The following TAS2R1 variants were observed in gnomAD, a reference collection of about 807,000 sequenced individuals.
The protein encoded by TAS2R1 is taste 2 receptor member 1, also known as taste receptor type 2 member 1.
For synonymous variants in TAS2R1, 141 were observed against 134.2 expected (o/e 1.05, Z -0.35); for missense variants, 370 against 353.4 (o/e 1.05, Z -0.38).
the TAS2R1 span, among the ~76,000 whole-genome samples, chr5:9,801,656 G>A: frequency 1.6e-4 from 24 of 152,274 alleles, no homozygotes; most frequent in Non-Finnish European, 2.2e-4. Context: ...GTCACTGGCC[G>A]CCTGGAAATA....
At chr5:9,770,911 A>G in the TAS2R1 span, among the ~76,000 whole-genome samples, 3 of 152,026 alleles carry the variant, frequency 2.0e-5, no homozygotes, top group Non-Finnish European at 4.4e-5. Context: ...GATTGCTCTA[A>G]TTAGGACTTC....
chr5:9,638,496 C>T (rs1374931965), intron 2 of TAS2R1, among the ~76,000 whole-genome samples: 2 of 152,214 alleles, frequency 1.3e-5, no homozygotes, highest in African/African-American at 4.8e-5. Context: ...GTTGTCTTCT[C>T]CTTCCTGGGG....
chr5:9,882,620 T>C, the TAS2R1 span, among the ~76,000 whole-genome samples: 3 of 152,140 alleles, frequency 2.0e-5, no homozygotes, highest in East Asian at 1.9e-4. Flanking sequence ...AGCAAAACTC[T>C]TGTCTCAAAA....
intron 1 of TAS2R1, among the ~76,000 whole-genome samples, chr5:9,692,911 T>G (rs1741276480): frequency 6.6e-6 from 1 of 152,130 alleles, no homozygotes; most frequent in African/African-American, 2.4e-5. Flanking sequence ...GATGACAATA[T>G]CTGGGGCACA....
intron 1 of TAS2R1, among the ~76,000 whole-genome samples, chr5:9,673,157 A>G (rs1740804040): frequency 1.3e-5 from 2 of 152,166 alleles, no homozygotes; most frequent in South Asian, 4.1e-4. Context: ...GGATGGTGGG[A>G]GGAGGGAGAG....
chr5:9,858,261 A>C, the TAS2R1 span, among the ~76,000 whole-genome samples: 12 of 152,136 alleles, frequency 7.9e-5, no homozygotes, highest in Non-Finnish European at 2.9e-5. Flanking sequence ...CTATAGGTTC[A>C]GTCCAGAGGG....
the TAS2R1 span, among the ~76,000 whole-genome samples, chr5:9,746,945 A>C: frequency 1.3e-5 from 2 of 152,188 alleles, no homozygotes; most frequent in Non-Finnish European, 2.9e-5. Flanking sequence ...AATAAAATTT[A>C]AAAAGAAAAC....
chr5:9,825,608 G>A, the TAS2R1 span, among the ~76,000 whole-genome samples: 32 of 152,178 alleles, frequency 2.1e-4, no homozygotes, highest in Non-Finnish European at 3.5e-4. Context: ...TCCTGGGGAG[G>A]CATGATAACT....
At chr5:9,829,026 G>A in the TAS2R1 span, among the ~76,000 whole-genome samples, 2 of 152,214 alleles carry the variant, frequency 1.3e-5, no homozygotes. Context: ...TATGAATACA[G>A]AGGAAATGGG....
chr5:9,653,864 T>C (rs1405688898), intron 2 of TAS2R1, among the ~76,000 whole-genome samples: 1 of 152,178 alleles, frequency 6.6e-6, no homozygotes, highest in Non-Finnish European at 1.5e-5. Context: ...ACAACCACTC[T>C]CTCCTAAAAC....
the TAS2R1 span, among the ~76,000 whole-genome samples, chr5:9,804,270 A>G: frequency 6.6e-6 from 1 of 152,170 alleles, no homozygotes; most frequent in African/African-American, 2.4e-5. Flanking sequence ...CTAAGAAATG[A>G]CATTGATGGC....
At chr5:9,778,309 A>G in the TAS2R1 span, among the ~76,000 whole-genome samples, 6 of 152,352 alleles carry the variant, frequency 3.9e-5, no homozygotes, top group East Asian at 1.2e-3. Context: ...GCTGTCATTC[A>G]GGCTTTGTTG....
chr5:9,893,208 CT>C, the TAS2R1 span, among the ~76,000 whole-genome samples: 314 of 138,196 alleles, frequency 2.3e-3, no homozygotes, highest in South Asian at 7.0e-3. Context: ...GTTGCCCCAG[CT>C]TTTTTTTTTT....
chr5:9,724,008 G>C, the TAS2R1 span, among the ~76,000 whole-genome samples: 3 of 152,198 alleles, frequency 2.0e-5, 1 homozygote, highest in South Asian at 6.2e-4. Flanking sequence ...CTCCTGTTGG[G>C]ATGTGGGGAT....
At chr5:9,868,981 C>T in the TAS2R1 span, among the ~76,000 whole-genome samples, 2 of 152,334 alleles carry the variant, frequency 1.3e-5, no homozygotes, top group East Asian at 1.9e-4. Flanking sequence ...TCACTATCTG[C>T]ATTTTGGTCA....
chr5:9,844,942 T>A, the TAS2R1 span, among the ~76,000 whole-genome samples: 1 of 152,130 alleles, frequency 6.6e-6, no homozygotes, highest in African/African-American at 2.4e-5. Context: ...TCATCAAAAA[T>A]TTTTTACACT....
chr5:9,798,061 T>C, the TAS2R1 span, among the ~76,000 whole-genome samples: 3 of 152,032 alleles, frequency 2.0e-5, no homozygotes, highest in Non-Finnish European at 4.4e-5. Flanking sequence ...CATGTGATAA[T>C]AAAAGGGAAC....
chr5:9,675,366 GT>G (rs1339578871), intron 1 of TAS2R1, among the ~76,000 whole-genome samples: 1 of 149,008 alleles, frequency 6.7e-6, no homozygotes, highest in Admixed American at 6.7e-5. Flanking sequence ...ATTCTTGTAT[GT>G]TTATTAGTAC....
At chr5:9,891,181 C>T in the TAS2R1 span, among the ~76,000 whole-genome samples, 1 of 152,128 alleles carries the variant, frequency 6.6e-6, no homozygotes, top group Non-Finnish European at 1.5e-5. Context: ...GCCCCTTTTC[C>T]AGCCACACAT....
Sources: gnomAD v4.1 joint callset for allele counts (sites outside exome capture counted in the v4.1 genomes callset) on GRCh38, gnomAD v4.1.1 for gene constraint, MANE v1.5 for transcripts, NCBI Gene and HGNC (gene_info 2026-07-23, HGNC 2026-07-21) for gene names.